Variants in SCML2 observed in about 807,000 individuals in gnomAD.
The protein encoded by SCML2 is sex comb on midleg-like protein 2.
A neutral mutation model predicts 48.4 loss-of-function variants in SCML2; 6 were observed. The ratio of observed to expected loss-of-function variants is 0.12; its 90% confidence interval spans 0.07 to 0.24. SCML2 has a LOEUF of 0.24. Ranked by LOEUF, SCML2 falls within the 10% of genes least tolerant of loss-of-function variation. The pLI is 1.00. For synonymous variants in SCML2, 181 were observed against 189.5 expected, an observed-to-expected ratio of 0.95 and a Z score of 0.37; for missense variants, 377 against 528.2, an observed-to-expected ratio of 0.71 and a Z score of 2.81.
chrX:18,256,700 T>C (rs1001091707), intron 11 of SCML2, 148 bp downstream of exon 11: 11 of 416,179 alleles, frequency 2.6e-5, no homozygotes, highest in East Asian at 4.3e-5. Flanking sequence ...TACTTTCCTA[T>C]TTTGAATGAA....
Position 18,256,891 on chromosome X carries a change from C to T in SCML2, c.1413G>A (p.Arg471=), listed in dbSNP as rs1244519027. The T allele has an allele frequency of 3.3e-6, 4 of 1,205,692 alleles. No homozygotes were observed. The Admixed American group carries it at 8.9e-5, about 27-fold the overall frequency. The change falls in exon 11 of 15, where the codon AGG becomes AGA. Residue 471 remains arginine, a synonymous_variant. Transcript: ENST00000251900. ...GCTCTGCAGAGCTGTGAGTATGACC[C>T]CTGGAAGAACTAAAAGGCTGGCTAC... is the stretch of plus-strand genomic sequence containing the variant. ...LLSSQPFSSS[R]GHTHSSAEHD...
At chrX:18,350,510 A>G (rs1467458387) in intron 1 of SCML2, among the ~76,000 whole-genome samples, 2 of 107,799 alleles carry the variant, frequency 1.9e-5, no homozygotes, top group African/African-American at 3.4e-5. Flanking sequence ...TGGGAGGCAG[A>G]GGTTGCAGTG....
intron 7 of SCML2, among the ~76,000 whole-genome samples, chrX:18,294,122 T>C (rs2147511953): frequency 1.8e-5 from 2 of 111,983 alleles, no homozygotes; most frequent in Non-Finnish European, 3.8e-5. Context: ...TAAGTAATAA[T>C]AGTAATAGTC....
At chrX:18,267,887 C>T (rs1483159409) in intron 7 of SCML2, among the ~76,000 whole-genome samples, 2 of 111,271 alleles carry the variant, frequency 1.8e-5, no homozygotes, top group Non-Finnish European at 3.8e-5. Flanking sequence ...TGAGCCACTG[C>T]GCCCAGCCCT....
chrX:18,346,975 T>C, intron 1 of SCML2, among the ~76,000 whole-genome samples: 1 of 111,976 alleles, frequency 8.9e-6, no homozygotes, highest in Non-Finnish European at 1.9e-5. Context: ...TTTGTGGAAT[T>C]GAACATGAGT....
At position 18,258,073 on chromosome X, in the gene SCML2, G is replaced by C. The variant is rs779557253; in HGVS notation, c.1244C>G (p.Pro415Arg). ...TATCACTTCTCCTCCACGATTATCT[G>C]GCTTCAGGTATCCAAAAACAGTTTT... ...ETKTVFGYLK[P>R]DNRGGEVITA... Residue 415 changes from proline (P) to arginine (R), a missense_variant, in exon 10 of 15, where the codon CCA (proline) becomes CGA (arginine). By Grantham distance (103) the Pro-to-Arg change is moderately radical. This residue lies in a region of SCML2 where 299 missense variants were observed against 425.5 expected (regional missense o/e 0.70). Transcript: ENST00000251900. 2.6e-5 allele frequency: 31 copies of C among 1,208,030 alleles called. No individual in the cohort carries two copies. The East Asian group carries it at 8.3e-4, about 32-fold the overall frequency.
chrX:18,324,829 A>G, intron 4 of SCML2, 78 bp downstream of exon 4: 2 of 744,629 alleles, frequency 2.7e-6, no homozygotes, highest in South Asian at 5.1e-5. Context: ...TCACACTACC[A>G]GAATCTAACA....
At chrX:18,247,955 G>T in intron 11 of SCML2, 73 bp from the exon 12 acceptor site, 1 of 663,407 alleles carries the variant, frequency 1.5e-6, no homozygotes, top group Non-Finnish European at 2.4e-6. Context: ...TCATCAGCAT[G>T]AAACACTTCT....
chrX:18,257,961 G>A, intron 10 of SCML2, 83 bp downstream of exon 10: 1 of 355,650 alleles, frequency 2.8e-6, no homozygotes, highest in East Asian at 7.3e-5. Context: ...GGAGAGGAAA[G>A]GGAAGGGGGA....
At chrX:18,341,226 A>C in intron 1 of SCML2, 1 of 679,429 alleles carries the variant, frequency 1.5e-6, no homozygotes, top group Non-Finnish European at 2.1e-6. Context: ...ATGGCAGACA[A>C]ACCAGACATA....
At chrX:18,341,255 A>C in intron 1 of SCML2, 11 of 682,460 alleles carry the variant, frequency 1.6e-5, no homozygotes, top group Non-Finnish European at 2.1e-5. Flanking sequence ...CGCCAGCTTC[A>C]ATAAGGCCAA....
At chrX:18,267,213 C>G (rs1305288906) in intron 7 of SCML2, among the ~76,000 whole-genome samples, 1 of 111,677 alleles carries the variant, frequency 9.0e-6, no homozygotes, top group East Asian at 2.8e-4. Context: ...TTCCAACTTC[C>G]TTACCTGTTA....
chrX:18,272,851 A>C (rs1465516272), intron 7 of SCML2, among the ~76,000 whole-genome samples: 1 of 110,971 alleles, frequency 9.0e-6, no homozygotes. Flanking sequence ...ACTTACCTAC[A>C]CTCTCCCCAG....
intron 5 of SCML2, among the ~76,000 whole-genome samples, chrX:18,321,812 A>G (rs1251945105): frequency 1.8e-5 from 2 of 111,486 alleles, no homozygotes; most frequent in Non-Finnish European, 3.8e-5. Flanking sequence ...GTAATTGCTT[A>G]AAGTCAAACA....
chrX:18,267,016 C>T (rs1927278568), intron 7 of SCML2, among the ~76,000 whole-genome samples: 1 of 112,162 alleles, frequency 8.9e-6, no homozygotes, highest in Admixed American at 9.5e-5. Context: ...AGTAACCTAA[C>T]ACACATTATT....
chrX:18,249,659 G>A (rs1484750825), intron 11 of SCML2, among the ~76,000 whole-genome samples: 1 of 111,454 alleles, frequency 9.0e-6, no homozygotes, highest in African/African-American at 3.3e-5. Flanking sequence ...ATGTCCCCTA[G>A]GAGACTTTGA....
intron 9 of SCML2, among the ~76,000 whole-genome samples, chrX:18,259,100 C>T (rs1926965721): frequency 9.0e-6 from 1 of 110,966 alleles, no homozygotes; most frequent in Admixed American, 9.6e-5. Flanking sequence ...CCCATCTCTA[C>T]TAAAAATACA....
intron 1 of SCML2, among the ~76,000 whole-genome samples, chrX:18,341,690 C>T (rs1438746124): frequency 9.0e-6 from 1 of 110,778 alleles, no homozygotes; most frequent in Non-Finnish European, 1.9e-5. Flanking sequence ...GTTATATACA[C>T]ACAAATTCAG....
chrX:18,298,366 T>C (rs1419256601), intron 7 of SCML2, among the ~76,000 whole-genome samples: 3 of 111,715 alleles, frequency 2.7e-5, no homozygotes, highest in African/African-American at 9.8e-5. Context: ...TCAAAATACA[T>C]TGCAAGGCTA....
Sources: allele counts gnomAD v4.1 joint callset (sites outside exome capture counted in the v4.1 genomes callset), GRCh38; gene constraint gnomAD v4.1.1; regional missense constraint gnomAD v4.1.1; transcripts MANE v1.5; gene names NCBI Gene and HGNC (gene_info 2026-07-23, HGNC 2026-07-21).